The following PPP2CB variants were observed in gnomAD, a reference collection of about 807,000 sequenced individuals.
PPP2CB encodes protein phosphatase 2 catalytic subunit beta.
PPP2CB carries 18 observed loss-of-function variants against 39.1 expected under a neutral mutation model. The observed-to-expected ratio is 0.46, with a 90% CI of 0.32 to 0.68. PPP2CB has a LOEUF of 0.68. Ranked by LOEUF, PPP2CB falls within the 30% of genes least tolerant of loss-of-function variation. PPP2CB has a pLI of 0.04. For missense variants in PPP2CB, 226 were observed against 396.9 expected, an observed-to-expected ratio of 0.57 and a Z score of 3.66; for synonymous variants, 129 against 133.8, an observed-to-expected ratio of 0.96 and a Z score of 0.25.
chr8:30,793,846 A>G, intron 5 of PPP2CB, 71 bp downstream of exon 5: 4 of 1,430,762 alleles, frequency 2.8e-6, no homozygotes, highest in Non-Finnish European at 3.7e-6. Context: ...TTCTTAGTTA[A>G]GTCATAATGC....
At chr8:30,806,461 A>G (rs1345189885) in intron 1 of PPP2CB, among the ~76,000 whole-genome samples, 3 of 152,206 alleles carry the variant, frequency 2.0e-5, no homozygotes, top group Non-Finnish European at 4.4e-5. Flanking sequence ...AAGTTTCTTT[A>G]AACAATCTGG....
chr8:30,804,906 T>C (rs888584163), intron 1 of PPP2CB, among the ~76,000 whole-genome samples: 1 of 151,080 alleles, frequency 6.6e-6, no homozygotes, highest in Non-Finnish European at 1.5e-5. Context: ...AAAAAAAGAG[T>C]CTCTTGAATT....
chr8:30,791,994 A>G (rs1806444015), intron 5 of PPP2CB, among the ~76,000 whole-genome samples: 1 of 150,798 alleles, frequency 6.6e-6, no homozygotes, highest in Non-Finnish European at 1.5e-5. Context: ...ATACGTGTGC[A>G]TATATGTATA....
chr8:30,798,397 C>T (rs993177174), intron 2 of PPP2CB, among the ~76,000 whole-genome samples: 1 of 152,222 alleles, frequency 6.6e-6, no homozygotes, highest in African/African-American at 2.4e-5. Context: ...TCAATTCATA[C>T]ATATTTTACT....
Position 30,786,152 on chromosome 8 carries a change from C to G in PPP2CB, c.*83G>C. ...ATTTGTTACAGAAACACATAGATTA[C>G]TGTTGCTTTTTGTTTTTAAATACAT... On this transcript the variant is annotated 3_prime_UTR_variant, in exon 7 of 7. Coordinates refer to ENST00000221138, the MANE Select transcript of PPP2CB (RefSeq NM_001009552.2). 8.5e-7 allele frequency: 1 copy of G among 1,179,430 alleles called. No individual in the cohort carries two copies. Among genetic ancestry groups the G allele is most frequent in the Non-Finnish European group, 1.2e-6 (1 of 831,048 alleles). The allele number at this position is 1,179,430 out of a possible 1,614,324, so 73.1% of individuals were successfully genotyped here. A position where few individuals can be genotyped will look rare whatever the true frequency, so the allele number is the denominator to read the frequency against.
intron 5 of PPP2CB, among the ~76,000 whole-genome samples, chr8:30,791,925 T>C (rs1446974350): frequency 1.3e-5 from 2 of 151,788 alleles, no homozygotes; most frequent in South Asian, 2.1e-4. Context: ...CATACACGTA[T>C]ATATGTATGT....
chr8:30,797,649 C>G lies in PPP2CB; in HGVS notation c.418G>C (p.Ala140Pro), dbSNP rs566851264. 6.2e-7 allele frequency: 1 copy of G among 1,613,898 alleles called. No homozygotes were observed. Among genetic ancestry groups the G allele is most frequent in the African/African-American group, 1.3e-5 (1 of 75,054 alleles). The change falls in exon 3 of 7, where the codon GCC (alanine) becomes CCC (proline). Residue 140 changes from alanine to proline, a missense_variant. Coordinates refer to ENST00000221138, the MANE Select transcript of PPP2CB (RefSeq NM_001009552.2). ...TCTGTAAAATATTTCCAAACGTTGGCATTCCCATACTTTCGCAGACATTCA... is the reference window on the plus strand; with the variant it reads ...TCTGTAAAATATTTCCAAACGTTGGGATTCCCATACTTTCGCAGACATTCA... ...YDECLRKYGN[A>P]NVWKYFTDLF...
At chr8:30,802,253 T>C (rs749368281) in intron 1 of PPP2CB, among the ~76,000 whole-genome samples, 14 of 152,220 alleles carry the variant, frequency 9.2e-5, no homozygotes, top group Non-Finnish European at 1.3e-4. Flanking sequence ...TCAGTTTCTT[T>C]TCCTGAGATC....
At chr8:30,811,722 T>C (rs996035789) in intron 1 of PPP2CB, among the ~76,000 whole-genome samples, 7 of 150,190 alleles carry the variant, frequency 4.7e-5, no homozygotes, top group Admixed American at 4.6e-4. Flanking sequence ...GGCTGGTCTC[T>C]AACTCCTGGG....
At chr8:30,797,112 G>A (rs1448528992) in intron 3 of PPP2CB, among the ~76,000 whole-genome samples, 1 of 152,082 alleles carries the variant, frequency 6.6e-6, no homozygotes, top group Non-Finnish European at 1.5e-5. Context: ...GCCTCCCAAA[G>A]TACTAGCCAC....
intron 2 of PPP2CB, among the ~76,000 whole-genome samples, chr8:30,799,177 T>C (rs1563216018): frequency 6.6e-6 from 1 of 152,198 alleles, no homozygotes; most frequent in Non-Finnish European, 1.5e-5. Context: ...AAATATTAGT[T>C]ACTAAGCTAT....
intron 1 of PPP2CB, among the ~76,000 whole-genome samples, chr8:30,802,735 C>T (rs1480011569): frequency 6.6e-6 from 1 of 152,066 alleles, no homozygotes; most frequent in East Asian, 1.9e-4. Context: ...TTCCAGATGG[C>T]AGTAATTATA....
chr8:30,793,636 C>T, intron 5 of PPP2CB: 1 of 269,006 alleles, frequency 3.7e-6, no homozygotes, highest in South Asian at 1.2e-4. Flanking sequence ...AATGATAAAG[C>T]AAATATAGTA....
chr8:30,796,237 G>GA (rs1254226227), intron 3 of PPP2CB, among the ~76,000 whole-genome samples: 3 of 152,092 alleles, frequency 2.0e-5, no homozygotes, highest in Admixed American at 6.5e-5. Context: ...TCATGGCTGA[G>GA]AAAAAAGACT....
chr8:30,811,503 C>A (rs1465888783), intron 1 of PPP2CB, among the ~76,000 whole-genome samples: 1 of 142,630 alleles, frequency 7.0e-6, no homozygotes. Flanking sequence ...CAAGAATCAG[C>A]GATTTTTTTT....
At chr8:30,786,506 A>AATTTTTTTT (rs1806344170) in intron 6 of PPP2CB, 199 bp from the exon 7 acceptor site, 1 of 385,794 alleles carries the variant, frequency 2.6e-6, no homozygotes, top group African/African-American at 2.1e-5. Context: ...TATGGTGAAA[A>AATTTTTTTT]TTTAAGAAGA....
chr8:30,794,106 C>T, intron 4 of PPP2CB, 28 bp from the exon 5 acceptor site: 1 of 1,602,428 alleles, frequency 6.2e-7, no homozygotes, highest in Non-Finnish European at 8.5e-7. Flanking sequence ...GTACATGTTA[C>T]AAATTATTAT....
At chr8:30,796,322 T>C (rs566586768) in intron 3 of PPP2CB, among the ~76,000 whole-genome samples, 6 of 152,316 alleles carry the variant, frequency 3.9e-5, no homozygotes, top group African/African-American at 1.4e-4. Context: ...TATTACATTC[T>C]TGACAACTCT....
Position 30,797,683 on chromosome 8 carries a change from G to C in PPP2CB, c.384C>G (p.Gly128=), listed in dbSNP as rs772484255. The C allele has an allele frequency of 2.5e-6, 4 of 1,613,956 alleles. No homozygotes were observed. Among genetic ancestry groups the C allele is most frequent in the Non-Finnish European group, 3.4e-6 (4 of 1,179,866 alleles). The part of the protein sequence containing the change: ...HESRQITQVY[G]FYDECLRKYG... Reference sequence around the variant, plus strand: ...ACTTTCGCAGACATTCATCATAAAAGCCATATACTTGGGTAATTTGTCGGC... The same window carrying C: ...ACTTTCGCAGACATTCATCATAAAACCCATATACTTGGGTAATTTGTCGGC... Residue 128 remains glycine, a synonymous_variant, in exon 3 of 7, where the codon GGC becomes GGG. Transcript: ENST00000221138.
Sources: allele counts gnomAD v4.1 joint callset (sites outside exome capture counted in the v4.1 genomes callset), GRCh38; gene constraint gnomAD v4.1.1; transcripts MANE v1.5; gene names NCBI Gene and HGNC (gene_info 2026-07-23, HGNC 2026-07-21).